Variants in PSEN2 observed in about 807,000 individuals in gnomAD.
PSEN2 encodes the protein presenilin 2.
In PSEN2, 32 loss-of-function variants were observed where a neutral mutation model predicts 49.1. That is an observed-to-expected ratio of 0.65 (90% confidence interval 0.49 to 0.88). PSEN2 has a LOEUF of 0.88. PSEN2 is among the 40% of genes least tolerant of loss of function. The pLI is 0.00. For missense variants in PSEN2, 522 were observed against 586.9 expected, an observed-to-expected ratio of 0.89 and a Z score of 1.14; for synonymous variants, 255 against 244.0, an observed-to-expected ratio of 1.05 and a Z score of -0.42.
chr1:226,872,641 C>T (rs1297990), intron 2 of PSEN2, among the ~76,000 whole-genome samples: 34,381 of 152,130 alleles, frequency 0.23, 4,095 homozygotes, highest in East Asian at 0.43. Context: ...GTGTAGGTCA[C>T]ATGCAGTGTG....
chr1:226,885,506 C>A (rs200748438), intron 5 of PSEN2, 32 bp from the exon 6 acceptor site: 4 of 1,611,650 alleles, frequency 2.5e-6, no homozygotes. Context: ...CAGTCAGGGC[C>A]GGGAGCATCA....
chr1:226,890,441 C>T, intron 9 of PSEN2: 4 of 388,148 alleles, frequency 1.0e-5, no homozygotes, highest in South Asian at 8.8e-5. Flanking sequence ...GCTCTCCAGG[C>T]TCTTGAGAAG....
intron 2 of PSEN2, among the ~76,000 whole-genome samples, chr1:226,874,643 C>T (rs943306684): frequency 6.6e-5 from 10 of 152,212 alleles, no homozygotes; most frequent in African/African-American, 2.2e-4. Context: ...CTGTGTCCCT[C>T]CTCCATTTCA....
rs199760083 is a variant in PSEN2, at chr1:226,888,895, C to G, written c.633C>G (p.Phe211Leu). Residue 211 changes from phenylalanine (F) to leucine (L), a missense_variant, in exon 8 of 13, where the codon TTC (phenylalanine) becomes TTG (leucine). Physicochemically the swap from Phe to Leu is conservative, Grantham distance 22 (BLOSUM62 0). Coordinates refer to ENST00000366783, the MANE Select transcript of PSEN2 (RefSeq NM_000447.3). ...YPTLLLTVWNFGAVGMVCIHW... is the reference protein window; with the variant it reads ...YPTLLLTVWNLGAVGMVCIHW... ...CCCTCTTGCTGACTGTCTGGAACTT[C>G]GGGGCAGTGGGCATGGTGTGCATCC... is the stretch of plus-strand genomic sequence containing the variant. The G allele has an allele frequency of 6.2e-7, 1 of 1,614,178 alleles. No homozygotes were observed. Among genetic ancestry groups the G allele is most frequent in the Non-Finnish European group, 8.5e-7 (1 of 1,180,036 alleles).
chr1:226,890,316 G>A (rs937769303), intron 9 of PSEN2, among the ~76,000 whole-genome samples, 183 bp downstream of exon 9: 3 of 152,194 alleles, frequency 2.0e-5, no homozygotes, highest in Non-Finnish European at 4.4e-5. Context: ...AGAAAGTTAG[G>A]ACAGGAAGCA....
At chr1:226,877,591 G>A (rs2102657010) in intron 3 of PSEN2, among the ~76,000 whole-genome samples, 1 of 152,330 alleles carries the variant, frequency 6.6e-6, no homozygotes, top group Admixed American at 6.5e-5. Context: ...TGCCCTTGCT[G>A]TGACAGCTGA....
rs1230706227 is a variant in PSEN2, at chr1:226,891,811, TAC to T, written c.1040_1041del (p.Tyr347SerfsTer127). 1 of 1,614,128 alleles carries T rather than the reference TAC, an allele frequency of 6.2e-7. No homozygotes were observed. Among genetic ancestry groups the T allele is most frequent in the Admixed American group, 1.7e-5 (1 of 60,014 alleles). ...PEVFEPPLTGYPGEELEEEEE... is the reference protein window; with the variant it reads ...PEVFEPPLTGXPGEELEEEEE... Reference sequence around the variant, plus strand: ...AGTCTTTGAGCCTCCCTTGACTGGCTACCCAGGGGAGGAGCTGGAGGAAGAGG... The same window carrying T: ...AGTCTTTGAGCCTCCCTTGACTGGCTCCAGGGGAGGAGCTGGAGGAAGAGG... On this transcript the variant is annotated frameshift_variant, in exon 11 of 13. Transcript: ENST00000366783. LOFTEE classifies it high-confidence loss of function.
At chr1:226,891,415 C>A in intron 10 of PSEN2, 54 bp downstream of exon 10, 1 of 1,472,682 alleles carries the variant, frequency 6.8e-7, no homozygotes, top group Non-Finnish European at 9.3e-7. Flanking sequence ...AGCTCCCTAC[C>A]TGCACCCAGC....
rs1208039533 is a variant in PSEN2, at chr1:226,888,878, C to T, written c.616C>T (p.Leu206=). 6.2e-7 allele frequency: 1 copy of T among 1,614,224 alleles called. No individual in the cohort carries two copies. Among genetic ancestry groups the T allele is most frequent in the Non-Finnish European group, 8.5e-7 (1 of 1,180,040 alleles). ...GGCCATGGACTACCCCACCCTCTTG[C>T]TGACTGTCTGGAACTTCGGGGCAGT... ...NVAMDYPTLL[L]TVWNFGAVGM... The change falls in exon 8 of 13, where the codon CTG becomes TTG. Residue 206 remains leucine, a synonymous_variant. Transcript: ENST00000366783.
chr1:226,892,244 T>C (rs1249303632), intron 11 of PSEN2, among the ~76,000 whole-genome samples: 1 of 152,028 alleles, frequency 6.6e-6, no homozygotes, highest in East Asian at 1.9e-4. Context: ...GAAAGTCAGC[T>C]GAGGAAGTAA....
chr1:226,900,571 T>G (rs1203866540), downstream of PSEN2, among the ~76,000 whole-genome samples: 1 of 152,126 alleles, frequency 6.6e-6, no homozygotes, highest in East Asian at 1.9e-4. Flanking sequence ...TTCAGCTACT[T>G]GAGAAAGGTG....
chr1:226,902,359 C>G (rs1019272837), intron 12 of PSEN2, among the ~76,000 whole-genome samples: 1 of 152,064 alleles, frequency 6.6e-6, no homozygotes, highest in Non-Finnish European at 1.5e-5. Context: ...GGTCCATGGC[C>G]TGGGGGTTGG....
intron 7 of PSEN2, 112 bp from the exon 8 acceptor site, chr1:226,888,717 C>A: frequency 1.1e-6 from 1 of 916,442 alleles, no homozygotes; most frequent in Non-Finnish European, 1.8e-6. Flanking sequence ...CAGTGAAGGT[C>A]GGGGAAGGAA....
At chr1:226,883,975 T>TGGGGCCTGGGGGG in intron 5 of PSEN2, 56 bp downstream of exon 5, 1 of 129,696 alleles carries the variant, frequency 7.7e-6, no homozygotes, top group African/African-American at 6.3e-5. Flanking sequence ...TGCCAGGGGG[T>TGGGGCCTGGGGGG]GGGGGGCGCA....
chr1:226,884,660 T>A (rs1661232867), intron 5 of PSEN2: 1 of 152,066 alleles, frequency 6.6e-6, no homozygotes, highest in Non-Finnish European at 1.5e-5. Flanking sequence ...ATGCCTGTAA[T>A]CCCAGCACTT....
In PSEN2 at chr1:226,870,625, C is replaced by G. The variant is rs1660203932; in HGVS notation, c.-374C>G. 6.6e-6 allele frequency: 1 copy of G among 152,112 alleles called. No individual in the cohort carries two copies. Among genetic ancestry groups the G allele is most frequent in the South Asian group, 2.1e-4 (1 of 4,838 alleles). The allele number at this position is 152,112 out of a possible 1,614,324, so 9.4% of individuals were successfully genotyped here. ...GGGCGCTCAGCCAGCTGCGTAAACTCCGCTGGAGCGCGGCGGCAGAGCAGG... is the reference window on the plus strand; with the variant it reads ...GGGCGCTCAGCCAGCTGCGTAAACTGCGCTGGAGCGCGGCGGCAGAGCAGG... On this transcript the variant is annotated 5_prime_UTR_variant, in exon 1 of 13. Transcript: ENST00000366783.
chr1:226,877,812 GT>G (rs1330107252), intron 3 of PSEN2, among the ~76,000 whole-genome samples: 21 of 152,192 alleles, frequency 1.4e-4, no homozygotes, highest in African/African-American at 4.8e-4. Flanking sequence ...TAGAAAGCAT[GT>G]TTTGTAGTTT....
chr1:226,884,033 A>G, intron 5 of PSEN2, 114 bp downstream of exon 5: 6 of 945,856 alleles, frequency 6.3e-6, no homozygotes, highest in Non-Finnish European at 8.0e-6. Flanking sequence ...CAGCAGCGGT[A>G]AAGAGCAGGG....
At chr1:226,879,068 T>C (rs1660811694) in intron 3 of PSEN2, among the ~76,000 whole-genome samples, 1 of 152,168 alleles carries the variant, frequency 6.6e-6, no homozygotes, top group African/African-American at 2.4e-5. Context: ...GATGGGGTTT[T>C]GCCATGTTAC....
Sources: allele counts gnomAD v4.1 joint callset (sites outside exome capture counted in the v4.1 genomes callset), GRCh38; gene constraint gnomAD v4.1.1; transcripts MANE v1.5; gene names NCBI Gene and HGNC (gene_info 2026-07-23, HGNC 2026-07-21).